The following RASAL2 variants were observed in gnomAD, a reference collection of about 807,000 sequenced individuals.
The protein encoded by RASAL2 is RAS protein activator like 2, also known as ras GTPase-activating protein nGAP.
Under a neutral mutation model 128.9 loss-of-function variants are expected in RASAL2, and 58 were observed. That is an observed-to-expected ratio of 0.45 (90% CI 0.36 to 0.56). RASAL2 has a LOEUF of 0.56. Among genes scored for constraint, RASAL2 ranks in the 20% least tolerant of loss-of-function variants. The pLI is 0.00. For missense variants in RASAL2, 1,360 were observed against 1,601.6 expected (o/e 0.85, Z 2.57); for synonymous variants, 561 against 580.8 (o/e 0.97, Z 0.49).
intron 15 of RASAL2, 81 bp from the exon 16 acceptor site, chr1:178,465,839 A>G: frequency 9.1e-7 from 1 of 1,102,656 alleles, no homozygotes; most frequent in South Asian, 2.0e-5. Context: ...AAAGAAAGAA[A>G]GAGAAAGAAA....
At chr1:178,211,502 C>A (rs1305691832) in intron 1 of RASAL2, among the ~76,000 whole-genome samples, 1 of 152,158 alleles carries the variant, frequency 6.6e-6, no homozygotes, top group Non-Finnish European at 1.5e-5. Context: ...CACTATTCCT[C>A]CCTTGATCTG....
intron 4 of RASAL2, among the ~76,000 whole-genome samples, chr1:178,404,630 C>T (rs1673876489): frequency 6.6e-6 from 1 of 150,570 alleles, no homozygotes; most frequent in African/African-American, 2.5e-5. Flanking sequence ...CCGCCCACCT[C>T]GGCCTCCCAA....
chr1:178,123,375 T>G (rs1659783383), intron 1 of RASAL2, among the ~76,000 whole-genome samples: 1 of 152,218 alleles, frequency 6.6e-6, no homozygotes, highest in African/African-American at 2.4e-5. Flanking sequence ...AATTATAGCA[T>G]TCATTTCATT....
chr1:178,360,336 A>G (rs1671042272), intron 3 of RASAL2, among the ~76,000 whole-genome samples: 1 of 152,256 alleles, frequency 6.6e-6, no homozygotes, highest in South Asian at 2.1e-4. Flanking sequence ...TGAAATTACA[A>G]GCCCCTGTTG....
At chr1:178,264,095 G>A (rs184829623) in intron 1 of RASAL2, among the ~76,000 whole-genome samples, 6 of 152,292 alleles carry the variant, frequency 3.9e-5, no homozygotes, top group Non-Finnish European at 5.9e-5. Context: ...ATATTTATAA[G>A]GGAAAGATTA....
At chr1:178,220,179 C>T (rs1663568858) in intron 1 of RASAL2, among the ~76,000 whole-genome samples, 1 of 152,124 alleles carries the variant, frequency 6.6e-6, no homozygotes, top group South Asian at 2.1e-4. Flanking sequence ...GATCCTTGAG[C>T]TGAACAGACC....
At chr1:178,175,060 C>T (rs1316895280) in intron 1 of RASAL2, among the ~76,000 whole-genome samples, 1 of 152,112 alleles carries the variant, frequency 6.6e-6, no homozygotes, top group African/African-American at 2.4e-5. Flanking sequence ...ACTAATGTCA[C>T]TGAATTGACT....
intron 3 of RASAL2, among the ~76,000 whole-genome samples, chr1:178,331,355 C>G (rs1178395815): frequency 6.6e-6 from 1 of 152,124 alleles, no homozygotes; most frequent in Non-Finnish European, 1.5e-5. Context: ...GCGTTCTATA[C>G]TCCCGTGTCC....
At chr1:178,178,879 T>G (rs1312741283) in intron 1 of RASAL2, among the ~76,000 whole-genome samples, 1 of 152,212 alleles carries the variant, frequency 6.6e-6, no homozygotes, top group Non-Finnish European at 1.5e-5. Flanking sequence ...GTTCAATTGC[T>G]TTATTATACT....
intron 1 of RASAL2, among the ~76,000 whole-genome samples, chr1:178,195,986 A>C (rs1662646450): frequency 6.6e-6 from 1 of 152,278 alleles, no homozygotes; most frequent in East Asian, 1.9e-4. Context: ...ATATAAATCT[A>C]CTATCCCAAG....
rs765521035 is a variant in RASAL2, at chr1:178,473,179, C to G, written c.3783C>G (p.Pro1261=). 9.9e-6 allele frequency: 16 copies of G among 1,614,070 alleles called. No homozygotes were observed. The highest frequency in any genetic ancestry group is 1.7e-5 in the Admixed American group (1 of 60,000). ...YSMQVRNGIS[P]TNPTKLSITE... ...TGCAGGTCCGCAATGGCATCTCCCC[C>G]ACCAACCCCACCAAGCTTTCCATCA... is the stretch of plus-strand genomic sequence containing the variant. Residue 1261 remains proline, a synonymous_variant, in exon 18 of 18, where the codon CCC becomes CCG. Transcript: ENST00000367649.
At chr1:178,262,108 G>A (rs1665725296) in intron 1 of RASAL2, among the ~76,000 whole-genome samples, 2 of 152,010 alleles carry the variant, frequency 1.3e-5, no homozygotes, top group African/African-American at 4.8e-5. Flanking sequence ...TTGAATGATT[G>A]AGGAATATTC....
intron 3 of RASAL2, among the ~76,000 whole-genome samples, chr1:178,319,400 G>A (rs1464167377): frequency 1.3e-5 from 2 of 151,552 alleles, no homozygotes; most frequent in African/African-American, 4.9e-5. Context: ...TTCCAACTTG[G>A]TTCCATTCTC....
chr1:178,283,528 G>T (rs1283145484), intron 1 of RASAL2, 36 bp from the exon 2 acceptor site: 1 of 1,597,550 alleles, frequency 6.3e-7, no homozygotes, highest in East Asian at 2.2e-5. Flanking sequence ...GCAAGATAAT[G>T]ATTTGTCACT....
intron 1 of RASAL2, among the ~76,000 whole-genome samples, chr1:178,191,216 A>G (rs1662482543): frequency 6.6e-6 from 1 of 152,162 alleles, no homozygotes; most frequent in Non-Finnish European, 1.5e-5. Flanking sequence ...TAAAAGTGGG[A>G]ACAACTTTAG....
intron 1 of RASAL2, among the ~76,000 whole-genome samples, chr1:178,257,991 A>T (rs1052548770): frequency 6.6e-6 from 1 of 151,922 alleles, no homozygotes; most frequent in Non-Finnish European, 1.5e-5. Flanking sequence ...ACAAAACGAT[A>T]CCATCAAGAC....
At chr1:178,368,556 A>G (rs1347604635) in intron 3 of RASAL2, among the ~76,000 whole-genome samples, 3 of 152,226 alleles carry the variant, frequency 2.0e-5, no homozygotes, top group African/African-American at 4.8e-5. Context: ...CTTACTACAC[A>G]TAAGACGACA....
chr1:178,106,662 G>A (rs950665146), intron 1 of RASAL2, among the ~76,000 whole-genome samples: 10 of 152,032 alleles, frequency 6.6e-5, no homozygotes, highest in Non-Finnish European at 1.5e-4. Flanking sequence ...TTTGAATCTA[G>A]CTTGATAACA....
intron 1 of RASAL2, among the ~76,000 whole-genome samples, chr1:178,144,731 G>A (rs924986906): frequency 6.6e-6 from 1 of 152,128 alleles, no homozygotes; most frequent in Non-Finnish European, 1.5e-5. Context: ...TGCAGTTAAT[G>A]GTTATCAGTT....
Sources: gnomAD v4.1 joint callset for allele counts (sites outside exome capture counted in the v4.1 genomes callset) on GRCh38, gnomAD v4.1.1 for gene constraint, MANE v1.5 for transcripts, NCBI Gene and HGNC (gene_info 2026-07-23, HGNC 2026-07-21) for gene names.